Variants in CORO2B observed in about 807,000 individuals in gnomAD.
The protein encoded by CORO2B is coronin-2B.
Under a neutral mutation model 58.8 loss-of-function variants are expected in CORO2B, and 26 were observed. The observed-to-expected ratio is 0.44, with a 90% CI of 0.32 to 0.61. The LOEUF (loss-of-function observed/expected upper bound fraction) is 0.61, where lower values mean the gene tolerates loss of function less well. CORO2B is among the 20% of genes least tolerant of loss of function. The pLI, the probability that CORO2B is intolerant of heterozygous loss-of-function variation, is 0.04. For missense variants in CORO2B, 460 were observed against 645.1 expected (o/e 0.71, Z 3.11); for synonymous variants, 242 against 253.8 (o/e 0.95, Z 0.44).
At chr15:68,672,129 A>G (rs1029288221) in intron 2 of CORO2B, among the ~76,000 whole-genome samples, 14 of 145,468 alleles carry the variant, frequency 9.6e-5, no homozygotes, top group African/African-American at 3.3e-4. Flanking sequence ...AAGTAACAGC[A>G]ACTATCCCTG....
chr15:68,638,405 G>A lies in CORO2B; in HGVS notation c.16-6755G>A, dbSNP rs114329302. ...CTTCATTGTATCCAGTGAGCTGGAT[G>A]ACATTATTCTCATTTTACAGTTAAG... is the stretch of plus-strand genomic sequence containing the variant. On this transcript the variant is annotated intron_variant, in intron 1 of 11. Transcript: ENST00000261861. Among the ~76,000 whole-genome samples, 1,476 of 152,334 alleles carry A rather than the reference G, an allele frequency of 9.7e-3. 19 individuals carry two copies. Among genetic ancestry groups the A allele is most frequent in the African/African-American group, 0.033 (1,388 of 41,564 alleles).
intron 1 of CORO2B, among the ~76,000 whole-genome samples, chr15:68,637,284 G>T (rs1463887207): frequency 1.3e-5 from 2 of 152,168 alleles, no homozygotes; most frequent in East Asian, 3.9e-4. Flanking sequence ...GGGAATTACT[G>T]CCCAGGCTGG....
chr15:68,718,916 A>G (rs1491641), intron 9 of CORO2B, 106 bp downstream of exon 9: 968,612 of 1,046,668 alleles, frequency 0.93, 453,537 homozygotes, highest in Non-Finnish European at 0.96. Flanking sequence ...ATGTGCTGTG[A>G]ACTGGGGTCT....
At chr15:68,547,207 G>A in the CORO2B span, among the ~76,000 whole-genome samples, 6 of 152,200 alleles carry the variant, frequency 3.9e-5, no homozygotes, top group African/African-American at 9.6e-5. Flanking sequence ...AGAGCAACCC[G>A]ATTAGTTATA....
At chr15:68,550,192 A>G in the CORO2B span, among the ~76,000 whole-genome samples, 1 of 152,066 alleles carries the variant, frequency 6.6e-6, no homozygotes, top group Admixed American at 6.6e-5. Flanking sequence ...GGCGAATTTG[A>G]AGCTGCTTCT....
chr15:68,579,629 A>C (rs1899375487), intron 1 of CORO2B, among the ~76,000 whole-genome samples: 1 of 152,116 alleles, frequency 6.6e-6, no homozygotes, highest in Non-Finnish European at 1.5e-5. Flanking sequence ...CGCGGCGGGA[A>C]GCGTCGCTGG....
chr15:68,598,197 C>T (rs1389106975), intron 1 of CORO2B, among the ~76,000 whole-genome samples: 1 of 152,204 alleles, frequency 6.6e-6, no homozygotes, highest in Non-Finnish European at 1.5e-5. Flanking sequence ...CTGTAGGCAG[C>T]CCCTGGAGAA....
chr15:68,630,313 C>G (rs758086395), intron 1 of CORO2B, among the ~76,000 whole-genome samples: 1 of 152,202 alleles, frequency 6.6e-6, no homozygotes, highest in Non-Finnish European at 1.5e-5. Context: ...TTGTTATCAT[C>G]CCCTGAGCTG....
At chr15:68,636,684 T>G (rs917647307) in intron 1 of CORO2B, among the ~76,000 whole-genome samples, 2 of 152,142 alleles carry the variant, frequency 1.3e-5, no homozygotes, top group Non-Finnish European at 2.9e-5. Context: ...GACAGTGGAG[T>G]GACTCCAGAT....
At chr15:68,679,705 G>A (rs767946410) in intron 2 of CORO2B, among the ~76,000 whole-genome samples, 1 of 152,152 alleles carries the variant, frequency 6.6e-6, no homozygotes, top group Non-Finnish European at 1.5e-5. Context: ...CTAGGGGTTC[G>A]GAGTGCAATA....
At chr15:68,578,494 C>A (rs1899330324), upstream of CORO2B, among the ~76,000 whole-genome samples, 1 of 152,232 alleles carries the variant, frequency 6.6e-6, no homozygotes, top group African/African-American at 2.4e-5. The surrounding 1 kb of genome is among the most constrained non-coding windows in gnomAD (Gnocchi z 4.2). Context: ...CCACCCTGTG[C>A]CCCGGGCCAG....
intron 1 of CORO2B, among the ~76,000 whole-genome samples, chr15:68,631,660 A>G (rs544055428): frequency 2.6e-5 from 4 of 152,308 alleles, no homozygotes; most frequent in Admixed American, 2.6e-4. Flanking sequence ...ACGTGTAAAG[A>G]GAACCAACCA....
chr15:68,587,104 T>G (rs1259398196), intron 1 of CORO2B, among the ~76,000 whole-genome samples: 1 of 149,336 alleles, frequency 6.7e-6, no homozygotes. Flanking sequence ...ACAATTTTTT[T>G]CTAAAGTGTT....
At chr15:68,567,613 C>T in the CORO2B span, among the ~76,000 whole-genome samples, 3 of 152,204 alleles carry the variant, frequency 2.0e-5, no homozygotes, top group Non-Finnish European at 4.4e-5. Flanking sequence ...CAGGTCAGCT[C>T]GCCCTTTCTG....
chr15:68,576,173 A>AGAAAGAAAG (rs769251126), upstream of CORO2B, among the ~76,000 whole-genome samples: 19 of 103,916 alleles, frequency 1.8e-4, no homozygotes, highest in African/African-American at 7.8e-4. Flanking sequence ...AAAAAAAAAA[A>AGAAAGAAAG]AAAGAAAGAA....
At chr15:68,560,980 T>C in the CORO2B span, among the ~76,000 whole-genome samples, 2 of 152,062 alleles carry the variant, frequency 1.3e-5, no homozygotes, top group Non-Finnish European at 2.9e-5. Flanking sequence ...AGGGATAGGA[T>C]CCAAAATGGG....
chr15:68,632,061 C>T (rs757086469), intron 1 of CORO2B: 2 of 985,472 alleles, frequency 2.0e-6, no homozygotes, highest in Non-Finnish European at 2.4e-6. Context: ...TCCCAGGCTC[C>T]CAGGCCTCTC....
At chr15:68,629,446 A>G (rs1900768728) in intron 1 of CORO2B, among the ~76,000 whole-genome samples, 1 of 152,178 alleles carries the variant, frequency 6.6e-6, no homozygotes, top group African/African-American at 2.4e-5. Context: ...GTCCTGACGC[A>G]GTGGAAGAGG....
intron 5 of CORO2B, among the ~76,000 whole-genome samples, chr15:68,712,045 A>G (rs115583231): frequency 1.6e-4 from 25 of 152,252 alleles, no homozygotes; most frequent in African/African-American, 6.0e-4. Flanking sequence ...CAGGAGGAGG[A>G]GACACTGGAC....
Sources: allele counts gnomAD v4.1 joint callset (sites outside exome capture counted in the v4.1 genomes callset), GRCh38; gene constraint gnomAD v4.1.1; non-coding constraint Gnocchi (gnomAD v3.1); transcripts MANE v1.5; gene names NCBI Gene and HGNC (gene_info 2026-07-23, HGNC 2026-07-21).